Variants in OTOGL observed in about 807,000 individuals in gnomAD.
OTOGL encodes otogelin like, also known as otogelin-like protein.
A neutral mutation model predicts 318.5 loss-of-function variants in OTOGL; 285 were observed. The ratio of observed to expected loss-of-function variants is 0.89; its 90% CI spans 0.81 to 0.99. OTOGL has a LOEUF of 0.99. Among genes scored for constraint, OTOGL ranks in the 50% least tolerant of loss-of-function variants. OTOGL has a pLI of 0.00. For synonymous variants in OTOGL, 987 were observed against 936.5 expected (o/e 1.05, Z -0.99); for missense variants, 2,899 against 2,845.6 (o/e 1.02, Z -0.43).
intron 1 of OTOGL, among the ~76,000 whole-genome samples, chr12:80,203,321 A>G (rs1467220885): frequency 6.6e-6 from 1 of 150,532 alleles, no homozygotes; most frequent in East Asian, 1.9e-4. Flanking sequence ...TGCTTTTTCC[A>G]TCTTCAAATT....
intron 44 of OTOGL, among the ~76,000 whole-genome samples, chr12:80,348,893 A>C (rs902673446): frequency 6.6e-6 from 1 of 152,062 alleles, no homozygotes; most frequent in African/African-American, 2.4e-5. Flanking sequence ...GCTTCTCTTC[A>C]TCTTACTCAA....
At chr12:80,268,870 G>C (rs1366361395) in intron 22 of OTOGL, among the ~76,000 whole-genome samples, 1 of 139,924 alleles carries the variant, frequency 7.1e-6, no homozygotes, top group East Asian at 2.1e-4. Context: ...TGTCTTTTTG[G>C]ATTTAACATG....
chr12:80,210,085 T>A (rs1877133822), intron 2 of OTOGL, among the ~76,000 whole-genome samples: 1 of 152,130 alleles, frequency 6.6e-6, no homozygotes, highest in Non-Finnish European at 1.5e-5. Context: ...TGATTTTTTT[T>A]ATTATGGAAA....
At chr12:80,327,687 C>T (rs1020490114) in intron 35 of OTOGL, among the ~76,000 whole-genome samples, 2 of 151,258 alleles carry the variant, frequency 1.3e-5, no homozygotes, top group Non-Finnish European at 1.5e-5. Flanking sequence ...GGGCCGGGCA[C>T]GGTGGTTCAC....
chr12:80,358,125 T>C (rs1000816927), intron 49 of OTOGL, 123 bp from the exon 50 acceptor site: 2 of 682,942 alleles, frequency 2.9e-6, no homozygotes, highest in Admixed American at 5.0e-5. Flanking sequence ...GAAATATACC[T>C]CATGTTTCTT....
At position 80,380,226 on chromosome 12, in the gene OTOGL, T is replaced by C. The variant is rs1022421430; in HGVS notation, c.*2178T>C. 1 of 152,076 alleles carries C rather than the reference T, an allele frequency of 6.6e-6. No individual in the cohort carries two copies. Among genetic ancestry groups the C allele is most frequent in the African/African-American group, 2.4e-5 (1 of 41,458 alleles). 9.4% of individuals were successfully genotyped at this position (152,076 alleles called of 1,614,324 possible). On this transcript the variant is annotated 3_prime_UTR_variant, in exon 59 of 59. Coordinates refer to ENST00000547103, the MANE Select transcript of OTOGL (RefSeq NM_001378609.3). ...AATCTTAGATTGGGGAGAGCCATTC[T>C]AATTGTGACTCAGTATCCAGATACC... is the stretch of plus-strand genomic sequence containing the variant.
intron 26 of OTOGL, among the ~76,000 whole-genome samples, chr12:80,284,102 C>T (rs765774002): frequency 2.6e-4 from 39 of 152,110 alleles, no homozygotes; most frequent in South Asian, 4.1e-4. Context: ...TTGTTCAACT[C>T]CCACTTATGA....
At chr12:80,308,535 C>A (rs61950655) in intron 29 of OTOGL, among the ~76,000 whole-genome samples, 1 of 151,682 alleles carries the variant, frequency 6.6e-6, no homozygotes, top group Non-Finnish European at 1.5e-5. Context: ...GGCGGCCAGG[C>A]GGAGACGCTC....
At chr12:80,292,427 A>G (rs2137686803) in intron 26 of OTOGL, among the ~76,000 whole-genome samples, 1 of 152,344 alleles carries the variant, frequency 6.6e-6, no homozygotes, top group African/African-American at 2.4e-5. Flanking sequence ...TTGGGCCAGC[A>G]ATCCTCATGA....
intron 27 of OTOGL, among the ~76,000 whole-genome samples, chr12:80,297,256 T>C (rs921872236): frequency 1.3e-5 from 2 of 152,166 alleles, no homozygotes; most frequent in African/African-American, 4.8e-5. Flanking sequence ...GCTAGACTCT[T>C]GGCTTCTAGT....
rs751264358 is a variant in OTOGL at position 80,239,414 on chromosome 12, G to A, written c.1027G>A (p.Ala343Thr). Residue 343 changes from alanine to threonine, a missense_variant, in exon 11 of 59, where the codon GCC becomes ACC. Ala to Thr is a moderately conservative substitution (Grantham distance 58). Transcript: ENST00000547103. ...GTATATCGATCCATACTTATATATT[G>A]CCAGCTGTGTTAATGATCTTTGCAA... ...HEYIDPYLYI[A>T]SCVNDLCKTD... is the part of the protein sequence containing the mutation. 6.2e-7 allele frequency: 1 copy of A among 1,600,522 alleles called. No individual in the cohort carries two copies. Among genetic ancestry groups the A allele is most frequent in the Admixed American group, 1.7e-5 (1 of 58,632 alleles).
chr12:80,283,426 C>A (rs1179183668), intron 26 of OTOGL, among the ~76,000 whole-genome samples: 1 of 151,948 alleles, frequency 6.6e-6, no homozygotes, highest in Non-Finnish European at 1.5e-5. Flanking sequence ...ATGTGTTCAG[C>A]TCACAGTTAT....
intron 4 of OTOGL, among the ~76,000 whole-genome samples, chr12:80,216,289 T>C (rs1399536535): frequency 6.6e-6 from 1 of 152,208 alleles, no homozygotes; most frequent in Non-Finnish European, 1.5e-5. Flanking sequence ...ACATGGCTCA[T>C]TTTCCCATCC....
intron 28 of OTOGL, among the ~76,000 whole-genome samples, chr12:80,304,878 A>G (rs147112064): frequency 6.6e-6 from 1 of 152,188 alleles, no homozygotes; most frequent in East Asian, 1.9e-4. Context: ...AATGGAATCT[A>G]TCCCTTAATG....
chr12:80,286,891 C>A (rs952547686), intron 26 of OTOGL, among the ~76,000 whole-genome samples: 8 of 152,106 alleles, frequency 5.3e-5, no homozygotes, highest in African/African-American at 1.9e-4. Context: ...TCCCTGAGTT[C>A]TGCTCTGTTC....
At chr12:80,129,167 C>T (rs533767756) in intron 1 of OTOGL, among the ~76,000 whole-genome samples, 27 of 152,236 alleles carry the variant, frequency 1.8e-4, no homozygotes, top group South Asian at 4.2e-4. Flanking sequence ...TGTTCCTATT[C>T]GGCCATCTTG....
intron 19 of OTOGL, among the ~76,000 whole-genome samples, chr12:80,263,930 T>C (rs1378673813): frequency 6.6e-6 from 1 of 152,154 alleles, no homozygotes; most frequent in Non-Finnish European, 1.5e-5. Flanking sequence ...ATGTAAACAG[T>C]ATACTGCTAT....
rs142647924 is a variant in OTOGL at position 80,336,466 on chromosome 12, G to A, written c.4654G>A (p.Ala1552Thr). The A allele has an allele frequency of 1.6e-5, 25 of 1,608,618 alleles. No homozygotes were observed. Among genetic ancestry groups the A allele is most frequent in the South Asian group, 9.9e-5 (9 of 90,622 alleles). ...LSIITFDGNN[A>T]ALYSMASYIL... ...CATTATTACATTTGATGGAAACAAC[G>A]CAGCATTATATAGCATGGCTTCTTA... is the stretch of plus-strand genomic sequence containing the variant. Residue 1552 changes from alanine to threonine, a missense_variant, in exon 40 of 59, where the codon GCA becomes ACA. By Grantham distance (58) the Ala-to-Thr change is moderately conservative. Around this residue, in one of 3 missense-constraint regions of OTOGL, gnomAD observed 2,607 missense variants for 2,524.9 expected, o/e 1.03. Coordinates refer to ENST00000547103, the MANE Select transcript of OTOGL (RefSeq NM_001378609.3).
At chr12:80,142,399 G>A (rs545685045) in intron 1 of OTOGL, among the ~76,000 whole-genome samples, 24 of 152,230 alleles carry the variant, frequency 1.6e-4, no homozygotes, top group African/African-American at 5.5e-4. Context: ...GAAACATAGT[G>A]AAAGTTCTGA....
Sources: allele counts gnomAD v4.1 joint callset (sites outside exome capture counted in the v4.1 genomes callset), GRCh38; gene constraint gnomAD v4.1.1; regional missense constraint gnomAD v4.1.1; transcripts MANE v1.5; gene names NCBI Gene and HGNC (gene_info 2026-07-23, HGNC 2026-07-21).